The following FYN variants were observed in gnomAD, a reference collection of about 807,000 sequenced individuals.
FYN encodes the protein tyrosine-protein kinase Fyn.
A neutral mutation model predicts 70.2 loss-of-function variants in FYN; 10 were observed. The observed-to-expected ratio is 0.14, with a 90% CI of 0.09 to 0.24. FYN has a LOEUF of 0.24. Ranked by LOEUF, FYN falls within the 10% of genes least tolerant of loss-of-function variation. The pLI is 1.00. For synonymous variants in FYN, 236 were observed against 248.6 expected (o/e 0.95, Z 0.48); for missense variants, 319 against 673.1 (o/e 0.47, Z 5.82).
intron 2 of FYN, among the ~76,000 whole-genome samples, chr6:111,820,814 G>A (rs2114361678): frequency 6.6e-6 from 1 of 152,250 alleles, no homozygotes; most frequent in Non-Finnish European, 1.5e-5. Flanking sequence ...CATTTAAGTA[G>A]CTGGTAGATC....
chr6:111,690,776 G>A (rs1799281023), intron 12 of FYN, among the ~76,000 whole-genome samples: 1 of 152,180 alleles, frequency 6.6e-6, no homozygotes, highest in Non-Finnish European at 1.5e-5. Context: ...ACTGAGGTAG[G>A]CAAAAGTTAA....
At chr6:111,698,297 C>T (rs1234714884) in intron 9 of FYN, among the ~76,000 whole-genome samples, 2 of 152,222 alleles carry the variant, frequency 1.3e-5, no homozygotes, top group East Asian at 1.9e-4. Flanking sequence ...CCATGCCCGG[C>T]TAATTTTGTA....
Position 111,798,814 on chromosome 6 carries a change from C to A in FYN, c.-81-18179G>T, listed in dbSNP as rs1340320284. On this transcript the variant is annotated intron_variant, in intron 2 of 13. Coordinates refer to ENST00000354650, the MANE Select transcript of FYN (RefSeq NM_002037.5). Reference sequence around the variant, plus strand: ...TGGGCTTGTTTTTATCTATACAGTGCCAGATGGATTCTACATGTTAATAGC... The same window carrying A: ...TGGGCTTGTTTTTATCTATACAGTGACAGATGGATTCTACATGTTAATAGC... Among the ~76,000 whole-genome samples, 5 of 152,154 alleles carry A rather than the reference C, an allele frequency of 3.3e-5. No homozygotes were observed. The East Asian group carries it at 7.7e-4, about 23-fold the overall frequency.
intron 13 of FYN, among the ~76,000 whole-genome samples, chr6:111,668,152 C>T (rs1240206761): frequency 1.3e-5 from 2 of 152,208 alleles, no homozygotes; most frequent in Admixed American, 6.5e-5. Context: ...CATGAGCCTG[C>T]GCCATCGCAT....
chr6:111,679,041 C>T (rs750389827), intron 12 of FYN, among the ~76,000 whole-genome samples: 4 of 152,184 alleles, frequency 2.6e-5, no homozygotes, highest in Non-Finnish European at 5.9e-5. Context: ...CTACCTACTT[C>T]CCCAGCTGCT....
At position 111,714,896 on chromosome 6, in the gene FYN, C is replaced by T. The variant is rs1018532508; in HGVS notation, c.248-453G>A. ...CTCCTGGTAAAACAGTAACATAGAACGTAATAGGAAATGCCTCCTGCAGCT... is the reference window on the plus strand; with the variant it reads ...CTCCTGGTAAAACAGTAACATAGAATGTAATAGGAAATGCCTCCTGCAGCT... On this transcript the variant is annotated intron_variant, in intron 4 of 13. Transcript: ENST00000354650. Among the ~76,000 whole-genome samples the T allele has an allele frequency of 5.9e-5, 9 of 152,242 alleles. No individual in the cohort carries two copies. In the South Asian group the frequency reaches 1.7e-3, roughly 28 times the overall value.
chr6:111,786,622 T>C (rs1195516451), intron 2 of FYN, among the ~76,000 whole-genome samples: 1 of 152,228 alleles, frequency 6.6e-6, no homozygotes, highest in Non-Finnish European at 1.5e-5. Flanking sequence ...TAGTTCTAGA[T>C]CCTTGAGGAA....
intron 3 of FYN, among the ~76,000 whole-genome samples, chr6:111,734,442 C>T (rs1801613539): frequency 6.6e-6 from 1 of 152,198 alleles, no homozygotes; most frequent in Admixed American, 6.5e-5. Context: ...GTTTAAAGTA[C>T]TCTTTCTTAC....
rs372351201 is a variant in FYN at position 111,845,310 on chromosome 6, C to T, written c.-82+1279G>A. On this transcript the variant is annotated intron_variant, in intron 2 of 13. Transcript: ENST00000354650. ...TCACAGTATACTGACCTCCCATAGG[C>T]GACAGTCTTTGCCAATCCCTGGCTT... Among the ~76,000 whole-genome samples, 14 of 152,362 alleles carry T rather than the reference C, an allele frequency of 9.2e-5. No homozygotes were observed. In the East Asian group the frequency reaches 1.7e-3, roughly 19 times the overall value.
At chr6:111,806,200 T>C (rs1326247984) in intron 2 of FYN, among the ~76,000 whole-genome samples, 5 of 152,120 alleles carry the variant, frequency 3.3e-5, no homozygotes, top group Non-Finnish European at 7.4e-5. Flanking sequence ...GGAGATGAAA[T>C]ACAATTGCAC....
intron 2 of FYN, among the ~76,000 whole-genome samples, chr6:111,835,969 G>A (rs945315044): frequency 6.6e-6 from 1 of 152,204 alleles, no homozygotes; most frequent in African/African-American, 2.4e-5. Context: ...GTGGCATACT[G>A]TAAAGCAAAC....
intron 4 of FYN, among the ~76,000 whole-genome samples, chr6:111,715,301 G>T (rs1328699485): frequency 6.6e-6 from 1 of 150,972 alleles, no homozygotes; most frequent in East Asian, 1.9e-4. Context: ...GGCTGGTCTC[G>T]AATTCCTGGG....
chr6:111,739,143 T>A (rs558855739), intron 3 of FYN, among the ~76,000 whole-genome samples: 1 of 152,174 alleles, frequency 6.6e-6, no homozygotes, highest in East Asian at 1.9e-4. Context: ...TCTTTTAGGT[T>A]TAAAGATACC....
intron 2 of FYN, among the ~76,000 whole-genome samples, chr6:111,781,573 C>G (rs1056890567): frequency 6.6e-6 from 1 of 152,200 alleles, no homozygotes; most frequent in Non-Finnish European, 1.5e-5. Context: ...CTCACCCCAG[C>G]TTTTCGACAT....
chr6:111,865,107 T>G (rs1036429261), intron 1 of FYN, among the ~76,000 whole-genome samples: 3 of 152,218 alleles, frequency 2.0e-5, no homozygotes, highest in Non-Finnish European at 4.4e-5. Flanking sequence ...AAAAGCTTTC[T>G]GAGTGCAAAT....
chr6:111,859,319 A>G (rs1004908240), intron 1 of FYN, among the ~76,000 whole-genome samples: 2 of 152,236 alleles, frequency 1.3e-5, no homozygotes, highest in African/African-American at 4.8e-5. Context: ...CAAAGTGACA[A>G]GTATTACCAG....
chr6:111,761,514 C>G (rs1803003619), intron 3 of FYN, among the ~76,000 whole-genome samples: 1 of 152,206 alleles, frequency 6.6e-6, no homozygotes, highest in African/African-American at 2.4e-5. Context: ...GAAGATGAAG[C>G]TGGAAATCAG....
chr6:111,743,833 C>T (rs1403830536), intron 3 of FYN, among the ~76,000 whole-genome samples: 3 of 152,190 alleles, frequency 2.0e-5, no homozygotes, highest in East Asian at 1.9e-4. Flanking sequence ...ACCACATTCA[C>T]GGCCCCTCAT....
At chr6:111,728,580 A>G (rs1027063173) in intron 3 of FYN, among the ~76,000 whole-genome samples, 1 of 152,200 alleles carries the variant, frequency 6.6e-6, no homozygotes, top group African/African-American at 2.4e-5. Context: ...TTGACATTTC[A>G]TATCAACAGA....
Sources: allele counts gnomAD v4.1 joint callset (sites outside exome capture counted in the v4.1 genomes callset), GRCh38; gene constraint gnomAD v4.1.1; transcripts MANE v1.5; gene names NCBI Gene and HGNC (gene_info 2026-07-23, HGNC 2026-07-21).